The following MPC1 variants were observed in gnomAD, a reference collection of about 807,000 sequenced individuals.
The protein encoded by MPC1 is HSPC040 protein.
Under a neutral mutation model 13.9 loss-of-function variants are expected in MPC1, and 6 were observed. The observed-to-expected ratio is 0.43, with a 90% CI of 0.24 to 0.85. The LOEUF is 0.85. Ranked by LOEUF, MPC1 falls within the 40% of genes least tolerant of loss-of-function variation. The probability of loss-of-function intolerance (pLI) is 0.24; values close to 1 mark genes in which losing one functional copy is unlikely to be tolerated. For synonymous variants in MPC1, 47 were observed against 50.5 expected, an observed-to-expected ratio of 0.93 and a Z score of 0.29; for missense variants, 115 against 143.3, an observed-to-expected ratio of 0.80 and a Z score of 1.01.
intron 1 of MPC1, among the ~76,000 whole-genome samples, chr6:166,380,976 G>A (rs73265154): frequency 0.072 from 10,645 of 147,146 alleles, 1,304 homozygotes; most frequent in African/African-American, 0.25. Flanking sequence ...AAAAGAAAAC[G>A]GTTAAGTAAT....
intron 1 of MPC1, among the ~76,000 whole-genome samples, chr6:166,377,835 A>G (rs901266784): frequency 5.9e-5 from 9 of 152,226 alleles, no homozygotes; most frequent in African/African-American, 9.6e-5. Flanking sequence ...TCCTGCTTCA[A>G]CATTTCCAGC....
At chr6:166,379,645 G>C (rs770382430) in intron 1 of MPC1, among the ~76,000 whole-genome samples, 2 of 152,056 alleles carry the variant, frequency 1.3e-5, no homozygotes, top group African/African-American at 2.4e-5. Flanking sequence ...TAAAATTCTA[G>C]AACAGCTTTA....
At chr6:166,369,132 G>A (rs1366664967) in intron 2 of MPC1, among the ~76,000 whole-genome samples, 1 of 152,188 alleles carries the variant, frequency 6.6e-6, no homozygotes, top group Non-Finnish European at 1.5e-5. Context: ...GGCCGGGCAT[G>A]GTGGCTCACA....
intron 2 of MPC1, chr6:166,368,943 C>G: frequency 1.0e-6 from 1 of 985,454 alleles, no homozygotes; most frequent in African/African-American, 1.7e-5. Context: ...GGGCTATAAA[C>G]AGAGCCTGAA....
At chr6:166,372,152 C>T (rs753417126) in intron 1 of MPC1, among the ~76,000 whole-genome samples, 14 of 152,144 alleles carry the variant, frequency 9.2e-5, no homozygotes, top group South Asian at 6.2e-4. Context: ...CAGTCACCTA[C>T]GGCATTGCTC....
In MPC1 at chr6:166,382,907, C is replaced by G. The variant is rs766694413; in HGVS notation, c.-31G>C. On this transcript the variant is annotated 5_prime_UTR_variant, in exon 1 of 5. Transcript: ENST00000360961. ...TGCCGACACCAGACCCCGAGTGGTCCCTGCCTCTGCTGCCGCTTCCCAGAG... is the reference window on the plus strand; with the variant it reads ...TGCCGACACCAGACCCCGAGTGGTCGCTGCCTCTGCTGCCGCTTCCCAGAG... 37 of 1,578,232 alleles carry G rather than the reference C, an allele frequency of 2.3e-5. No homozygotes were observed. In the Middle Eastern group the frequency reaches 5.0e-4, roughly 21 times the overall value.
At chr6:166,375,413 G>A (rs1779531907) in intron 1 of MPC1, among the ~76,000 whole-genome samples, 2 of 148,368 alleles carry the variant, frequency 1.3e-5, no homozygotes, top group Non-Finnish European at 3.0e-5. Context: ...GAGAGCTACT[G>A]TATTTCCCTT....
At chr6:166,366,685 T>C (rs1444491437) in intron 3 of MPC1, 110 bp downstream of exon 3, 1 of 984,102 alleles carries the variant, frequency 1.0e-6, no homozygotes, top group Non-Finnish European at 1.6e-6. Context: ...TCACATTCTG[T>C]ATGTGACTTT....
chr6:166,369,014 T>G (rs1304432145), intron 2 of MPC1: 1 of 854,242 alleles, frequency 1.2e-6, no homozygotes, highest in African/African-American at 1.8e-5. Context: ...TGAATGTGTC[T>G]TCTTTCATAG....
rs1779137530 is a variant in MPC1, at chr6:166,366,011, C to T, written c.268G>A (p.Ala90Thr). 10 of 1,613,920 alleles carry T rather than the reference C, an allele frequency of 6.2e-6. No individual in the cohort carries two copies. The highest frequency in any genetic ancestry group is 1.1e-5 in the South Asian group (1 of 91,066). Residue 90 changes from alanine to threonine, a missense_variant, in exon 4 of 5, where the codon GCC (alanine) becomes ACC (threonine). Ala to Thr is a moderately conservative substitution (Grantham distance 58, BLOSUM62 0). This residue lies in a region of MPC1 where 71 missense variants were observed against 88.5 expected (regional missense o/e 0.80). Coordinates refer to ENST00000360961, the MANE Select transcript of MPC1 (RefSeq NM_016098.4). ...LFACHATNEV[A>T]QLIQGGRLIK... The stretch of plus-strand genomic sequence containing the variant: ...AGCCGCCCTCCCTGGATGAGCTGGG[C>T]TACTTCATTTGTTGCGTGGCATGCA...
At chr6:166,373,424 T>A (rs1045898381) in intron 1 of MPC1, among the ~76,000 whole-genome samples, 1 of 152,252 alleles carries the variant, frequency 6.6e-6, no homozygotes, top group Non-Finnish European at 1.5e-5. Flanking sequence ...GTAATATGAA[T>A]TTAAGTTTCC....
chr6:166,380,771 C>G (rs1210273530), intron 1 of MPC1, among the ~76,000 whole-genome samples: 1 of 151,854 alleles, frequency 6.6e-6, no homozygotes, highest in South Asian at 2.1e-4. Flanking sequence ...GAAACCCCGT[C>G]TCTATTAAAA....
chr6:166,373,576 C>G (rs1362248886), intron 1 of MPC1, among the ~76,000 whole-genome samples: 1 of 152,156 alleles, frequency 6.6e-6, no homozygotes, highest in Non-Finnish European at 1.5e-5. Context: ...ATGAATAAAA[C>G]CTCTATAAAA....
rs1036528973 is a variant in MPC1, at chr6:166,366,840, C to A, written c.127G>T (p.Asp43Tyr). 1.1e-5 allele frequency: 17 copies of A among 1,614,060 alleles called. No homozygotes were observed. Among genetic ancestry groups the A allele is most frequent in the Non-Finnish European group, 1.4e-5 (16 of 1,179,974 alleles). The change falls in exon 3 of 5, where the codon GAT becomes TAT. Residue 43 changes from aspartate (D) to tyrosine (Y), a missense_variant. Asp to Tyr is a radical substitution (Grantham distance 160). Transcript: ENST00000360961. Reference sequence around the variant, plus strand: ...ATAATCTCTGGAGACTTTTTCATATCATTGATGGCAGCAATGGGAAGACCC... The same window carrying A: ...ATAATCTCTGGAGACTTTTTCATATAATTGATGGCAGCAATGGGAAGACCC... ...NWGLPIAAIN[D>Y]MKKSPEIISG...
intron 1 of MPC1, among the ~76,000 whole-genome samples, chr6:166,379,716 G>A (rs1583073191): frequency 6.6e-6 from 1 of 152,178 alleles, no homozygotes; most frequent in Non-Finnish European, 1.5e-5. Flanking sequence ...GATGCAAAGT[G>A]TGTACAACAG....
chr6:166,377,881 G>C (rs1418648786), intron 1 of MPC1, among the ~76,000 whole-genome samples: 11 of 152,200 alleles, frequency 7.2e-5, no homozygotes, highest in Admixed American at 7.2e-4. Flanking sequence ...ATATGGCAGG[G>C]AAGTGCTCAA....
intron 1 of MPC1, among the ~76,000 whole-genome samples, chr6:166,376,294 G>A (rs562265408): frequency 2.4e-4 from 36 of 152,308 alleles, no homozygotes; most frequent in Admixed American, 2.1e-3. Context: ...CCAAAGGCCT[G>A]AGAACTAGGG....
rs759728128 is a variant in MPC1, at chr6:166,365,453, C to T, written c.306G>A (p.Glu102=). Residue 102 remains glutamate, a splice_region_variant and synonymous_variant, in exon 5 of 5, where the codon GAG becomes GAA. Coordinates refer to ENST00000360961, the MANE Select transcript of MPC1 (RefSeq NM_016098.4). The surrounding 1 kb of genome is among the most constrained non-coding windows in gnomAD (Gnocchi z 4.2). ...GTTATGCAGATGCCGTTTTAGTCAT[C>T]CTGGAAAGAAACAAAAAGAAAAATT... ...LIQGGRLIKH[E]MTKTASA 3 of 1,579,406 alleles carry T rather than the reference C, an allele frequency of 1.9e-6. No homozygotes were observed. In the South Asian group the frequency reaches 3.5e-5, roughly 18 times the overall value.
intron 2 of MPC1, chr6:166,367,274 A>G (rs909326095): frequency 2.1e-5 from 16 of 764,980 alleles, no homozygotes; most frequent in African/African-American, 3.8e-5. Flanking sequence ...ACTATTCTCC[A>G]TATTTTTATG....
Sources: allele counts gnomAD v4.1 joint callset (sites outside exome capture counted in the v4.1 genomes callset), GRCh38; gene constraint gnomAD v4.1.1; regional missense constraint gnomAD v4.1.1; non-coding constraint Gnocchi (gnomAD v3.1); transcripts MANE v1.5; gene names NCBI Gene and HGNC (gene_info 2026-07-23, HGNC 2026-07-21).